The following CRYZL1 variants were observed in gnomAD, a reference collection of about 807,000 sequenced individuals.
CRYZL1 encodes the protein ferry endosomal RAB5 effector complex subunit 4.
Under a neutral mutation model 50.6 loss-of-function variants are expected in CRYZL1, and 34 were observed. The ratio of observed to expected loss-of-function variants is 0.67; its 90% CI spans 0.51 to 0.89. The LOEUF is 0.89. Among genes scored for constraint, CRYZL1 ranks in the 40% least tolerant of loss-of-function variants. The pLI, the probability that CRYZL1 is intolerant of heterozygous loss-of-function variation, is 0.00. For synonymous variants in CRYZL1, 125 were observed against 134.3 expected (o/e 0.93, Z 0.48); for missense variants, 354 against 402.3 (o/e 0.88, Z 1.03).
rs1404379289 is a variant in CRYZL1 at position 33,589,854 on chromosome 21, G to A, written c.1018C>T (p.Gln340Ter). Reference protein sequence around the residue: ...KVSMEAVQKNQGRKKQVVQF With the variant: ...KVSMEAVQKN ...TGAACAACTTGCTTTTTTCTTCCTTGATTTTTCTGAACAGCTTCCATGGAA... is the reference window on the plus strand; with the variant it reads ...TGAACAACTTGCTTTTTTCTTCCTTAATTTTTCTGAACAGCTTCCATGGAA... Residue 340 changes from glutamine (Q) to a stop codon, truncating the protein, a stop_gained, in exon 13 of 13, where the codon CAA becomes TAA. Transcript: ENST00000381554. LOFTEE classifies it high-confidence loss of function. The A allele has an allele frequency of 1.2e-6, 2 of 1,612,718 alleles. No homozygotes were observed. Among genetic ancestry groups the A allele is most frequent in the South Asian group, 1.1e-5 (1 of 90,958 alleles).
chr21:33,609,617 C>CT (rs555136408), intron 6 of CRYZL1, among the ~76,000 whole-genome samples: 96 of 143,190 alleles, frequency 6.7e-4, no homozygotes, highest in African/African-American at 2.0e-3. Flanking sequence ...TGGCCTAGTA[C>CT]TTTTTTTTTT....
intron 1 of CRYZL1, among the ~76,000 whole-genome samples, chr21:33,632,920 A>T (rs1192267692): frequency 4.6e-5 from 7 of 152,072 alleles, no homozygotes; most frequent in African/African-American, 1.7e-4. Context: ...TCCTAAGGAG[A>T]CCCAATATCC....
intron 11 of CRYZL1, among the ~76,000 whole-genome samples, chr21:33,593,983 A>C (rs1011046447): frequency 2.2e-4 from 3 of 13,618 alleles, no homozygotes; most frequent in Non-Finnish European, 3.4e-4. Context: ...ACTCTGTCTC[A>C]AAAAAAAAAA....
chr21:33,591,229 G>GT (rs761716223), intron 11 of CRYZL1, 22 bp from the exon 12 acceptor site: 1,301 of 1,596,782 alleles, frequency 8.1e-4, no homozygotes, highest in Non-Finnish European at 1.0e-3. Flanking sequence ...GATTGTTAAG[G>GT]TGGCAATGTA....
At chr21:33,619,715 T>C (rs1177639089) in intron 4 of CRYZL1, among the ~76,000 whole-genome samples, 1 of 152,170 alleles carries the variant, frequency 6.6e-6, no homozygotes, top group African/African-American at 2.4e-5. Context: ...TGACAAAATG[T>C]TTCTCTGCTA....
intron 1 of CRYZL1, among the ~76,000 whole-genome samples, chr21:33,638,990 G>C (rs959555836): frequency 6.6e-6 from 1 of 152,166 alleles, no homozygotes; most frequent in Non-Finnish European, 1.5e-5. Flanking sequence ...ATATTCGATT[G>C]AATTTATACA....
chr21:33,606,341 T>G (rs1280284647), intron 6 of CRYZL1, among the ~76,000 whole-genome samples: 1 of 152,112 alleles, frequency 6.6e-6, no homozygotes, highest in Non-Finnish European at 1.5e-5. Context: ...AAATGCTAAC[T>G]GCGGCCAGGC....
intron 3 of CRYZL1, 83 bp from the exon 4 acceptor site, chr21:33,622,151 A>G (rs1401684991): frequency 1.8e-6 from 2 of 1,097,042 alleles, no homozygotes; most frequent in Non-Finnish European, 2.7e-6. Flanking sequence ...CGAGAGTAAA[A>G]GTCAAATCAC....
In CRYZL1 at chr21:33,629,181, C is replaced by T. The variant is rs570760960; in HGVS notation, c.66+2305G>A. ...GGGAGGTTGCAGTGAGCCCAGATTG[C>T]GCCACTGTATTCCAGTGTGGGTGAT... On this transcript the variant is annotated intron_variant, in intron 2 of 12. Coordinates refer to ENST00000381554, the MANE Select transcript of CRYZL1 (RefSeq NM_145858.3). Among the ~76,000 whole-genome samples, 530 of 152,132 alleles carry T rather than the reference C, an allele frequency of 3.5e-3. 3 individuals carry two copies. The highest frequency in any genetic ancestry group is 0.012 in the African/African-American group (502 of 41,486).
chr21:33,598,560 C>T (rs1271856228), intron 9 of CRYZL1, among the ~76,000 whole-genome samples: 3 of 152,124 alleles, frequency 2.0e-5, no homozygotes, highest in Admixed American at 2.0e-4. Context: ...ATAGAGACTG[C>T]AGAAGTCAAC....
chr21:33,614,556 G>A (rs6517183), intron 5 of CRYZL1, among the ~76,000 whole-genome samples: 122,396 of 152,108 alleles, frequency 0.8, 49,729 homozygotes, highest in East Asian at 0.98. Context: ...TTGGTTCCAT[G>A]ACATACCTCA....
At position 33,603,313 on chromosome 21, in the gene CRYZL1, A is replaced by G. The variant is rs921558540; in HGVS notation, c.465+91T>C. 2.1e-5 allele frequency: 31 copies of G among 1,478,286 alleles called. 1 individual carries two copies. The South Asian group carries it at 3.8e-4, about 18-fold the overall frequency. The allele number at this position is 1,478,286 out of a possible 1,614,324, so 91.6% of individuals were successfully genotyped here. Reference sequence around the variant, plus strand: ...AAGTCAATCAATAAGCTATTGGCAAAGAATTATATTAGCAAATGGATGGCT... The same window carrying G: ...AAGTCAATCAATAAGCTATTGGCAAGGAATTATATTAGCAAATGGATGGCT... On this transcript the variant is annotated intron_variant, in intron 7 of 12. Transcript: ENST00000381554.
intron 3 of CRYZL1, among the ~76,000 whole-genome samples, chr21:33,624,026 T>G (rs1318404458): frequency 6.6e-6 from 1 of 152,164 alleles, no homozygotes; most frequent in Non-Finnish European, 1.5e-5. Context: ...TAGTTTCTAT[T>G]TTATTATTTA....
At position 33,621,992 on chromosome 21, in the gene CRYZL1, T is replaced by G; in HGVS notation, c.217+4A>C. The G allele has an allele frequency of 6.3e-7, 1 of 1,590,860 alleles. No homozygotes were observed. Among genetic ancestry groups the G allele is most frequent in the Non-Finnish European group, 8.6e-7 (1 of 1,159,230 alleles). On this transcript the variant is annotated splice_donor_region_variant and intron_variant, in intron 4 of 12. Transcript: ENST00000381554. ...AATACATATACTCACATCTGTATAC[T>G]TACCATCTAATACAATTCCAGCAAT...
At chr21:33,633,478 A>G (rs886414814) in intron 1 of CRYZL1, among the ~76,000 whole-genome samples, 7 of 151,442 alleles carry the variant, frequency 4.6e-5, no homozygotes, top group African/African-American at 1.7e-4. Flanking sequence ...TGGAGGGCGC[A>G]GTCTCGGCTC....
intron 11 of CRYZL1, 89 bp downstream of exon 11, chr21:33,595,639 ACTG>A: frequency 6.4e-7 from 1 of 1,558,268 alleles, no homozygotes; most frequent in Non-Finnish European, 8.7e-7. Flanking sequence ...AGGAAACTTA[ACTG>A]CTATTATTAT....
intron 1 of CRYZL1, among the ~76,000 whole-genome samples, chr21:33,634,508 G>A (rs1201808872): frequency 6.6e-6 from 1 of 151,210 alleles, no homozygotes; most frequent in Non-Finnish European, 1.5e-5. Flanking sequence ...CATGCTTCCC[G>A]ATTTCATTAC....
At chr21:33,593,398 A>G (rs1395748656) in intron 11 of CRYZL1, among the ~76,000 whole-genome samples, 1 of 152,014 alleles carries the variant, frequency 6.6e-6, no homozygotes, top group African/African-American at 2.4e-5. Context: ...GAGCCACCAC[A>G]CCTGGCCTAA....
At chr21:33,616,163 G>A (rs1032498973) in intron 5 of CRYZL1, 1 of 151,946 alleles carries the variant, frequency 6.6e-6, no homozygotes, top group Non-Finnish European at 1.5e-5. Context: ...CCACCTATGA[G>A]TGAGAATATG....
Sources: gnomAD v4.1 joint callset for allele counts (sites outside exome capture counted in the v4.1 genomes callset) on GRCh38, gnomAD v4.1.1 for gene constraint, MANE v1.5 for transcripts, NCBI Gene and HGNC (gene_info 2026-07-23, HGNC 2026-07-21) for gene names.